The following TIAM1 variants were observed in gnomAD, a reference collection of about 807,000 sequenced individuals.
The protein encoded by TIAM1 is rho guanine nucleotide exchange factor TIAM1.
TIAM1 carries 65 observed loss-of-function variants against 163.5 expected under a neutral mutation model. The observed-to-expected ratio is 0.40, with a 90% CI of 0.33 to 0.49. The LOEUF (loss-of-function observed/expected upper bound fraction) is 0.49, where lower values mean the gene tolerates loss of function less well. Among genes scored for constraint, TIAM1 ranks in the 20% least tolerant of loss-of-function variants. The pLI is 0.77. For synonymous variants in TIAM1, 833 were observed against 810.1 expected, an observed-to-expected ratio of 1.03 and a Z score of -0.48; for missense variants, 1,789 against 2,044.7, an observed-to-expected ratio of 0.87 and a Z score of 2.41.
chr21:31,390,842 C>T (rs969411838), intron 2 of TIAM1, among the ~76,000 whole-genome samples: 7 of 152,122 alleles, frequency 4.6e-5, no homozygotes, highest in Non-Finnish European at 8.8e-5. Flanking sequence ...AATGGAGGCT[C>T]CTCATTCTCC....
chr21:31,553,286 G>C lies in TIAM1; in HGVS notation c.-422+5641C>G, dbSNP rs114539579. Among the ~76,000 whole-genome samples, 396 of 152,276 alleles carry C rather than the reference G, an allele frequency of 2.6e-3. 2 individuals are homozygous for C. The highest frequency in any genetic ancestry group is 9.3e-3 in the African/African-American group (385 of 41,550). ...GCACCCTGTGGTTATCAGTACCCAG[G>C]TAGCCCATATTATGCTAAAGAACTT... is the stretch of plus-strand genomic sequence containing the variant. On this transcript the variant is annotated intron_variant, in intron 1 of 28. Transcript: ENST00000286827.
At chr21:31,424,696 G>A (rs2043718676) in intron 2 of TIAM1, among the ~76,000 whole-genome samples, 1 of 152,160 alleles carries the variant, frequency 6.6e-6, no homozygotes, top group African/African-American at 2.4e-5. Context: ...TTCGCAAGAT[G>A]AAAAGAGTTC....
At chr21:31,495,358 G>A (rs1460645336) in intron 1 of TIAM1, among the ~76,000 whole-genome samples, 5 of 152,086 alleles carry the variant, frequency 3.3e-5, no homozygotes, top group African/African-American at 1.2e-4. Context: ...CTCCAAGATG[G>A]TACCTTTTGA....
chr21:31,229,949 G>C (rs577961285), intron 6 of TIAM1, among the ~76,000 whole-genome samples: 5 of 152,254 alleles, frequency 3.3e-5, no homozygotes, highest in African/African-American at 1.2e-4. Context: ...TACCGCGCCC[G>C]GCCATCTTCA....
chr21:31,321,631 G>A (rs1042432558), intron 2 of TIAM1, among the ~76,000 whole-genome samples: 3 of 151,932 alleles, frequency 2.0e-5, no homozygotes, highest in South Asian at 2.1e-4. Flanking sequence ...GATTACAGGC[G>A]TGAGCCACCA....
intron 2 of TIAM1, among the ~76,000 whole-genome samples, chr21:31,360,437 G>A (rs1020189218): frequency 5.9e-5 from 9 of 151,626 alleles, no homozygotes; most frequent in Non-Finnish European, 7.4e-5. Flanking sequence ...ATCTAGGAAG[G>A]CTTCAAAGTA....
rs1490410888 is a variant in TIAM1 at position 31,332,811 on chromosome 21, T to G, written c.-189+6432A>C. Among the ~76,000 whole-genome samples the G allele has an allele frequency of 1.3e-5, 2 of 150,356 alleles. 1 individual carries two copies. The highest frequency in any genetic ancestry group is 4.2e-4 in the South Asian group (2 of 4,798). ...ATGATCTACAAAAAAAAAAAAAGTC[T>G]GTTGGTTAGAGCTCTTCATGACTAA... On this transcript the variant is annotated intron_variant, in intron 2 of 27. Transcript: ENST00000541036.
intron 2 of TIAM1, among the ~76,000 whole-genome samples, chr21:31,409,243 G>A (rs186936046): frequency 6.6e-6 from 1 of 152,148 alleles, no homozygotes; most frequent in Admixed American, 6.5e-5. Context: ...TCCAGTAGCT[G>A]GAATTACAGG....
At chr21:31,518,897 G>A (rs962906366) in intron 1 of TIAM1, among the ~76,000 whole-genome samples, 1 of 152,214 alleles carries the variant, frequency 6.6e-6, no homozygotes, top group Non-Finnish European at 1.5e-5. Context: ...TACAGAAAAT[G>A]TAGTCTGGAT....
intron 1 of TIAM1, among the ~76,000 whole-genome samples, chr21:31,502,668 T>G (rs1378940101): frequency 2.0e-5 from 3 of 152,188 alleles, no homozygotes; most frequent in African/African-American, 7.2e-5. Context: ...TAAGATGTAT[T>G]ATGCCTAGAT....
At chr21:31,415,427 G>A (rs1480725192) in intron 2 of TIAM1, among the ~76,000 whole-genome samples, 2 of 152,144 alleles carry the variant, frequency 1.3e-5, no homozygotes, top group Non-Finnish European at 2.9e-5. Context: ...TTCTTTCAAA[G>A]TCCAGTATCC....
intron 2 of TIAM1, among the ~76,000 whole-genome samples, chr21:31,293,218 C>A (rs773674646): frequency 6.6e-6 from 1 of 152,094 alleles, no homozygotes; most frequent in Non-Finnish European, 1.5e-5. Context: ...AAAAATGATG[C>A]TGCAGTTTGA....
At chr21:31,173,532 A>AAGAGAGAGAG (rs57981769) in intron 15 of TIAM1, among the ~76,000 whole-genome samples, 2 of 148,104 alleles carry the variant, frequency 1.4e-5, no homozygotes, top group African/African-American at 5.0e-5. Context: ...GAGCGAGAGA[A>AAGAGAGAGAG]AGAGAGAGAG....
intron 12 of TIAM1, among the ~76,000 whole-genome samples, chr21:31,195,986 T>C (rs2085831688): frequency 6.6e-6 from 1 of 152,068 alleles, no homozygotes. Flanking sequence ...AAACAGACAA[T>C]CTACAGTATG....
intron 2 of TIAM1, among the ~76,000 whole-genome samples, chr21:31,459,867 A>C (rs1388639819): frequency 1.3e-5 from 2 of 152,214 alleles, no homozygotes; most frequent in Non-Finnish European, 2.9e-5. Flanking sequence ...CAGTCTTCAA[A>C]GAGCCAACTG....
rs1188503896 is a variant in TIAM1, at chr21:31,270,961, A to G, written c.-11-3978T>C. ...ACCTTCAATCAAATGTCCCCTGGTCAAGGAGGCCTTTCCTGACCCCTCCTC... is the reference window on the plus strand; with the variant it reads ...ACCTTCAATCAAATGTCCCCTGGTCGAGGAGGCCTTTCCTGACCCCTCCTC... On this transcript the variant is annotated intron_variant, in intron 3 of 27. Coordinates refer to ENST00000541036, the MANE Select transcript of TIAM1 (RefSeq NM_001353694.2). 3.9e-5 allele frequency among the ~76,000 whole-genome samples: 6 copies of G among 152,182 alleles called. No homozygotes were observed. In the South Asian group the frequency reaches 1.0e-3, roughly 26 times the overall value.
chr21:31,162,856 T>C (rs2083997293), intron 16 of TIAM1, among the ~76,000 whole-genome samples: 2 of 152,136 alleles, frequency 1.3e-5, no homozygotes, highest in South Asian at 2.1e-4. Flanking sequence ...AACAGCACCA[T>C]CTATTTCTAT....
chr21:31,153,889 C>T (rs1388282017), intron 17 of TIAM1, among the ~76,000 whole-genome samples: 1 of 140,654 alleles, frequency 7.1e-6, no homozygotes, highest in Non-Finnish European at 1.5e-5. Flanking sequence ...GGTGAAACCT[C>T]CTCTCTACAA....
At chr21:31,431,792 G>A (rs2044038258) in intron 2 of TIAM1, among the ~76,000 whole-genome samples, 1 of 152,082 alleles carries the variant, frequency 6.6e-6, no homozygotes, top group Non-Finnish European at 1.5e-5. Flanking sequence ...AATGGTATTC[G>A]TGTATCTAAA....
Sources: allele counts gnomAD v4.1 joint callset (sites outside exome capture counted in the v4.1 genomes callset), GRCh38; gene constraint gnomAD v4.1.1; transcripts MANE v1.5; gene names NCBI Gene and HGNC (gene_info 2026-07-23, HGNC 2026-07-21).